SRBD1: variants seen among roughly 807,000 people sequenced by gnomAD.
SRBD1 encodes the protein S1 RNA-binding domain-containing protein 1.
In SRBD1, 88 loss-of-function variants were observed where a neutral mutation model predicts 115.3. The ratio of observed to expected loss-of-function variants is 0.76; its 90% CI spans 0.64 to 0.91. The LOEUF is 0.91. Among genes scored for constraint, SRBD1 ranks in the 40% least tolerant of loss-of-function variants. SRBD1 has a pLI of 0.00. For missense variants in SRBD1, 1,385 were observed against 1,177.4 expected, an observed-to-expected ratio of 1.18 and a Z score of -2.58; for synonymous variants, 509 against 407.7, an observed-to-expected ratio of 1.25 and a Z score of -2.99.
intron 16 of SRBD1, among the ~76,000 whole-genome samples, chr2:45,466,412 T>C (rs1366606196): frequency 6.6e-6 from 1 of 152,110 alleles, no homozygotes; most frequent in Non-Finnish European, 1.5e-5. Context: ...CACTCTCCAC[T>C]TCTCCCTCCT....
At chr2:45,604,351 A>G (rs1259786000) in intron 2 of SRBD1, among the ~76,000 whole-genome samples, 3 of 148,534 alleles carry the variant, frequency 2.0e-5, no homozygotes, top group Non-Finnish European at 4.5e-5. Flanking sequence ...GCCATAAGAC[A>G]AGATCAGCTA....
intron 2 of SRBD1, among the ~76,000 whole-genome samples, chr2:45,604,107 T>C (rs1156496008): frequency 1.3e-5 from 2 of 152,138 alleles, no homozygotes; most frequent in African/African-American, 4.8e-5. Flanking sequence ...CTTTCACATC[T>C]AGAATCCTAT....
intron 13 of SRBD1, among the ~76,000 whole-genome samples, chr2:45,547,263 A>T (rs949807804): frequency 6.6e-6 from 1 of 152,202 alleles, no homozygotes; most frequent in African/African-American, 2.4e-5. Context: ...GAGAGGGAGA[A>T]AATTGGAACA....
chr2:45,525,553 G>C (rs1187053696), intron 14 of SRBD1, among the ~76,000 whole-genome samples: 1 of 151,838 alleles, frequency 6.6e-6, no homozygotes, highest in East Asian at 1.9e-4. Context: ...ACAATATATT[G>C]TATTCTTAAA....
intron 14 of SRBD1, among the ~76,000 whole-genome samples, chr2:45,527,801 T>C (rs183331871): frequency 9.9e-5 from 15 of 152,000 alleles, no homozygotes; most frequent in Non-Finnish European, 1.5e-4. Flanking sequence ...CCTGGTTCCA[T>C]AGCCTATGCT....
chr2:45,504,976 T>G (rs73927514), intron 14 of SRBD1, among the ~76,000 whole-genome samples: 7,430 of 152,112 alleles, frequency 0.049, 563 homozygotes, highest in African/African-American at 0.16. Flanking sequence ...AAATAATCAC[T>G]AAAACCTTTA....
chr2:45,582,197 T>A (rs964869820), intron 5 of SRBD1, among the ~76,000 whole-genome samples: 8 of 152,176 alleles, frequency 5.3e-5, no homozygotes, highest in African/African-American at 1.9e-4. Context: ...TAGTCTCTCC[T>A]TGATTTTCTT....
intron 10 of SRBD1, among the ~76,000 whole-genome samples, chr2:45,556,936 CTGT>C (rs772937295): frequency 3.3e-5 from 5 of 152,058 alleles, no homozygotes; most frequent in East Asian, 1.9e-4. Flanking sequence ...GCTGCTGCTG[CTGT>C]TATTATTAAT....
At chr2:45,406,800 T>C (rs764498749) in intron 19 of SRBD1, among the ~76,000 whole-genome samples, 1 of 152,090 alleles carries the variant, frequency 6.6e-6, no homozygotes, top group Non-Finnish European at 1.5e-5. Context: ...AATGTTTCCT[T>C]GAAAGAAAAG....
chr2:45,568,766 C>G (rs1672914577), intron 9 of SRBD1, among the ~76,000 whole-genome samples: 1 of 152,108 alleles, frequency 6.6e-6, no homozygotes, highest in Non-Finnish European at 1.5e-5. Context: ...ATTAAATCAA[C>G]ATAAAAGGTG....
At chr2:45,533,908 A>G (rs898509419) in intron 14 of SRBD1, among the ~76,000 whole-genome samples, 2 of 152,080 alleles carry the variant, frequency 1.3e-5, no homozygotes, top group Non-Finnish European at 2.9e-5. Context: ...TGGATCTGGC[A>G]ACAAAAGCAG....
At chr2:45,497,389 G>A (rs762184561) in intron 14 of SRBD1, among the ~76,000 whole-genome samples, 2 of 152,166 alleles carry the variant, frequency 1.3e-5, no homozygotes, top group African/African-American at 2.4e-5. Flanking sequence ...AGGGTAGACT[G>A]AATGTACATA....
intron 14 of SRBD1, among the ~76,000 whole-genome samples, chr2:45,525,299 C>A (rs1057197600): frequency 6.6e-6 from 1 of 151,864 alleles, no homozygotes; most frequent in African/African-American, 2.4e-5. Flanking sequence ...AGTTGGACTT[C>A]AAAATTTAAA....
At chr2:45,446,975 A>G (rs1298835421) in intron 16 of SRBD1, among the ~76,000 whole-genome samples, 1 of 152,194 alleles carries the variant, frequency 6.6e-6, no homozygotes, top group Non-Finnish European at 1.5e-5. Flanking sequence ...TACACCTCCA[A>G]ACAGTCATCC....
chr2:45,484,956 T>C (rs991667753), intron 15 of SRBD1, among the ~76,000 whole-genome samples: 2 of 152,236 alleles, frequency 1.3e-5, no homozygotes, highest in Non-Finnish European at 2.9e-5. Flanking sequence ...TATTCTATTG[T>C]ATGGCTATAC....
intron 16 of SRBD1, among the ~76,000 whole-genome samples, chr2:45,449,690 T>C (rs1189518450): frequency 6.6e-6 from 1 of 152,210 alleles, no homozygotes; most frequent in Non-Finnish European, 1.5e-5. Context: ...TAAAACACTG[T>C]ATTTTTACAC....
intron 14 of SRBD1, among the ~76,000 whole-genome samples, chr2:45,530,993 C>A (rs1671593792): frequency 4.0e-5 from 6 of 148,330 alleles, no homozygotes; most frequent in Admixed American, 4.0e-4. Flanking sequence ...CCACTTTCTT[C>A]ATCACAGAAT....
chr2:45,510,996 AG>A (rs1227712003), intron 14 of SRBD1, among the ~76,000 whole-genome samples: 1 of 152,222 alleles, frequency 6.6e-6, no homozygotes, highest in African/African-American at 2.4e-5. Context: ...AGTTATAAAA[AG>A]CCAAGGTTAG....
At chr2:45,429,737 AG>A (rs1350497855) in intron 16 of SRBD1, among the ~76,000 whole-genome samples, 1 of 152,204 alleles carries the variant, frequency 6.6e-6, no homozygotes, top group Non-Finnish European at 1.5e-5. Flanking sequence ...GCACAAGACA[AG>A]GATGCCCTCT....
Sources: gnomAD v4.1 joint callset for allele counts (sites outside exome capture counted in the v4.1 genomes callset) on GRCh38, gnomAD v4.1.1 for gene constraint, MANE v1.5 for transcripts, NCBI Gene and HGNC (gene_info 2026-07-23, HGNC 2026-07-21) for gene names.